Variants in CACNA2D3 observed in about 807,000 individuals in gnomAD.
CACNA2D3 encodes voltage-dependent calcium channel subunit alpha-2/delta-3.
A neutral mutation model predicts 160.6 loss-of-function variants in CACNA2D3; 60 were observed. The ratio of observed to expected loss-of-function variants is 0.37; its 90% CI spans 0.30 to 0.46. The LOEUF (loss-of-function observed/expected upper bound fraction) is 0.46. CACNA2D3 is among the 20% of genes least tolerant of loss of function. The pLI, the probability that CACNA2D3 is intolerant of heterozygous loss-of-function variation, is 1.00. For synonymous variants in CACNA2D3, 558 were observed against 492.9 expected, an observed-to-expected ratio of 1.13 and a Z score of -1.75; for missense variants, 1,205 against 1,365.0, an observed-to-expected ratio of 0.88 and a Z score of 1.85.
intron 11 of CACNA2D3, among the ~76,000 whole-genome samples, chr3:54,746,400 CT>C (rs1701754126): frequency 6.6e-6 from 1 of 152,142 alleles, no homozygotes; most frequent in South Asian, 2.1e-4. Flanking sequence ...CAGGAGACCC[CT>C]TTCTAAAGCT....
chr3:54,226,312 CTT>C (rs10677482), intron 2 of CACNA2D3, among the ~76,000 whole-genome samples: 8 of 106,866 alleles, frequency 7.5e-5, no homozygotes, highest in Admixed American at 1.1e-4. Context: ...GCCCCTGATG[CTT>C]TTTTTTTTTT....
intron 11 of CACNA2D3, among the ~76,000 whole-genome samples, chr3:54,716,541 CAG>C (rs1575437704): frequency 6.6e-6 from 1 of 152,184 alleles, no homozygotes; most frequent in East Asian, 1.9e-4. Context: ...GGAAAATAAA[CAG>C]AGTACAGGAA....
At chr3:54,802,635 GACAA>G (rs1294536458) in intron 13 of CACNA2D3, among the ~76,000 whole-genome samples, 8 of 152,152 alleles carry the variant, frequency 5.3e-5, no homozygotes, top group Admixed American at 5.2e-4. Context: ...GCAGGGCACA[GACAA>G]ACAAAAAGAC....
At chr3:54,332,470 A>G (rs1704287695) in intron 3 of CACNA2D3, among the ~76,000 whole-genome samples, 1 of 152,230 alleles carries the variant, frequency 6.6e-6, no homozygotes, top group Non-Finnish European at 1.5e-5. Context: ...ACATATGTAT[A>G]GGACACGTGA....
chr3:54,751,452 T>A (rs1242001703), intron 11 of CACNA2D3, among the ~76,000 whole-genome samples: 1 of 144,822 alleles, frequency 6.9e-6, no homozygotes, highest in East Asian at 1.9e-4. Flanking sequence ...ACTGTAAGCG[T>A]TTTTTGTGTT....
chr3:54,430,940 T>G (rs1699980627), intron 4 of CACNA2D3, among the ~76,000 whole-genome samples: 1 of 152,172 alleles, frequency 6.6e-6, no homozygotes, highest in Non-Finnish European at 1.5e-5. Context: ...CCAGAAGCCT[T>G]ACCAATAAAC....
intron 13 of CACNA2D3, among the ~76,000 whole-genome samples, chr3:54,793,769 T>C (rs1214292513): frequency 6.6e-6 from 1 of 152,266 alleles, no homozygotes; most frequent in Non-Finnish European, 1.5e-5. Context: ...TATTTCCTTC[T>C]TTATTTTCTA....
At chr3:54,909,567 A>G (rs549223403) in intron 27 of CACNA2D3, among the ~76,000 whole-genome samples, 1 of 152,096 alleles carries the variant, frequency 6.6e-6, no homozygotes, top group South Asian at 2.1e-4. Flanking sequence ...CCTGCAGCCC[A>G]TGGGCTGTGC....
At chr3:54,961,928 TGCTGGTGGGG>T (rs1702037886) in intron 27 of CACNA2D3, among the ~76,000 whole-genome samples, 1 of 152,038 alleles carries the variant, frequency 6.6e-6, no homozygotes, top group African/African-American at 2.4e-5. Flanking sequence ...GTGAGGGACT[TGCTGGTGGGG>T]GCTCTGCAGA....
intron 17 of CACNA2D3, among the ~76,000 whole-genome samples, chr3:54,855,753 T>A (rs1168696): frequency 6.6e-6 from 1 of 152,088 alleles, no homozygotes; most frequent in Admixed American, 6.5e-5. Context: ...TCCAATAAGC[T>A]CCCCCTTCTG....
intron 3 of CACNA2D3, among the ~76,000 whole-genome samples, chr3:54,329,447 A>C (rs527761992): frequency 6.6e-6 from 1 of 152,352 alleles, no homozygotes; most frequent in South Asian, 2.1e-4. Flanking sequence ...AGAAAGTATT[A>C]GAGCTCAACT....
intron 5 of CACNA2D3, among the ~76,000 whole-genome samples, chr3:54,510,464 G>A (rs534265332): frequency 1.3e-5 from 2 of 152,282 alleles, no homozygotes; most frequent in South Asian, 4.1e-4. Context: ...AAACTCAAAG[G>A]CATCACTTTA....
At chr3:54,571,192 G>A (rs993924074) in intron 8 of CACNA2D3, among the ~76,000 whole-genome samples, 5 of 152,142 alleles carry the variant, frequency 3.3e-5, no homozygotes, top group Non-Finnish European at 7.3e-5. Context: ...AGGAATGTCT[G>A]GGTTAAGATA....
chr3:55,032,355 TC>T lies in CACNA2D3; in HGVS notation c.2987+14039del, dbSNP rs1703704623. On this transcript the variant is annotated intron_variant, in intron 35 of 37. Coordinates refer to ENST00000474759, the MANE Select transcript of CACNA2D3 (RefSeq NM_018398.3). Reference sequence around the variant, plus strand: ...GGTTTGCTTTGGAAACTGAAAATTCTCTGATCCACTTGATCTAAGGGAAGAA... The same window carrying T: ...GGTTTGCTTTGGAAACTGAAAATTCTTGATCCACTTGATCTAAGGGAAGAA... Among the ~76,000 whole-genome samples the T allele has an allele frequency of 3.3e-5, 5 of 152,322 alleles. No homozygotes were observed. In the South Asian group the frequency reaches 1.0e-3, roughly 32 times the overall value.
At chr3:54,301,488 C>T (rs1346855987) in intron 2 of CACNA2D3, among the ~76,000 whole-genome samples, 2 of 151,866 alleles carry the variant, frequency 1.3e-5, no homozygotes, top group East Asian at 3.9e-4. Flanking sequence ...CAATAAATTA[C>T]AATTATTTAC....
intron 13 of CACNA2D3, among the ~76,000 whole-genome samples, chr3:54,802,926 C>T (rs1401628909): frequency 6.6e-6 from 1 of 152,190 alleles, no homozygotes; most frequent in South Asian, 2.1e-4. Context: ...CTGCAGCCAC[C>T]ACTGCTGTTA....
At chr3:54,737,182 ATGTGTGTGTGTGTG>A (rs4025817) in intron 11 of CACNA2D3, among the ~76,000 whole-genome samples, 14 of 147,590 alleles carry the variant, frequency 9.5e-5, no homozygotes, top group South Asian at 2.2e-4. Flanking sequence ...CCATGTGTAT[ATGTGTGTGTGTGTG>A]TGTGTGTGTG....
chr3:54,198,102 A>C (rs958112331), intron 2 of CACNA2D3, among the ~76,000 whole-genome samples: 3 of 152,128 alleles, frequency 2.0e-5, no homozygotes, highest in Admixed American at 6.5e-5. Context: ...TCTTTTTTTC[A>C]CCTTAAAAGA....
intron 4 of CACNA2D3, among the ~76,000 whole-genome samples, chr3:54,429,772 G>A (rs952251036): frequency 3.3e-5 from 5 of 152,164 alleles, no homozygotes; most frequent in Non-Finnish European, 7.4e-5. Context: ...TTTCTCGGAT[G>A]TTGGAATAGC....
Sources: allele counts gnomAD v4.1 joint callset (sites outside exome capture counted in the v4.1 genomes callset), GRCh38; gene constraint gnomAD v4.1.1; transcripts MANE v1.5; gene names NCBI Gene and HGNC (gene_info 2026-07-23, HGNC 2026-07-21).